Variants in SLC4A4 observed in about 807,000 individuals in gnomAD.
SLC4A4 encodes electrogenic sodium bicarbonate cotransporter 1.
In SLC4A4, 27 loss-of-function variants were observed where a neutral mutation model predicts 111.5. The ratio of observed to expected loss-of-function variants is 0.24; its 90% confidence interval spans 0.18 to 0.33. The LOEUF (loss-of-function observed/expected upper bound fraction) is 0.33. Among genes scored for constraint, SLC4A4 ranks in the 10% least tolerant of loss-of-function variants. The pLI is 1.00. For synonymous variants in SLC4A4, 443 were observed against 463.4 expected (o/e 0.96, Z 0.57); for missense variants, 909 against 1,315.5 (o/e 0.69, Z 4.78).
rs776662294 is a variant in SLC4A4, at chr4:71,169,094, C to G, written c.-1-67482C>G. On this transcript the variant is annotated intron_variant, in intron 2 of 26. Coordinates refer to the SLC4A4 transcript ENST00000649996. ...AGTGCAATGGCACAATCTTGACTCA[C>G]TGCAACCTCCGCCTCCCAGATTCTC... is the stretch of plus-strand genomic sequence containing the variant. Among the ~76,000 whole-genome samples, 11 of 152,064 alleles carry G rather than the reference C, an allele frequency of 7.2e-5. No homozygotes were observed. In the South Asian group the frequency reaches 1.7e-3, roughly 23 times the overall value.
intron 7 of SLC4A4, among the ~76,000 whole-genome samples, chr4:71,416,504 A>C (rs1244296630): frequency 6.6e-6 from 1 of 152,124 alleles, no homozygotes; most frequent in Non-Finnish European, 1.5e-5. Flanking sequence ...GCTTGACCAT[A>C]AGTAACTGAA....
At chr4:71,558,646 C>G (rs1001893336) in intron 22 of SLC4A4, among the ~76,000 whole-genome samples, 1 of 151,908 alleles carries the variant, frequency 6.6e-6, no homozygotes, top group African/African-American at 2.4e-5. Context: ...TTTATCTCCC[C>G]CACAGCTTTG....
chr4:71,127,355 G>A (rs1743587258), intron 2 of SLC4A4, among the ~76,000 whole-genome samples: 1 of 152,146 alleles, frequency 6.6e-6, no homozygotes, highest in African/African-American at 2.4e-5. Flanking sequence ...CTATAATAAT[G>A]TTTAGAGGCA....
intron 1 of SLC4A4, among the ~76,000 whole-genome samples, chr4:71,232,908 G>A (rs1176901266): frequency 6.6e-6 from 1 of 152,220 alleles, no homozygotes; most frequent in Non-Finnish European, 1.5e-5. Context: ...AGTTCTGATA[G>A]GACTGGAAAG....
intron 3 of SLC4A4, among the ~76,000 whole-genome samples, chr4:71,262,414 A>G (rs1280287589): frequency 6.6e-6 from 1 of 152,178 alleles, no homozygotes; most frequent in African/African-American, 2.4e-5. Flanking sequence ...TAACTTTCCC[A>G]TGGATAGGAG....
rs566617793 is a variant in SLC4A4 at position 71,227,389 on chromosome 4, G to A, written c.-1-9187G>A. ...TTTAAAAGGAGAGATACCAAAGTGT[G>A]TTTTATAAATGGATGGCTTAGAGGG... On this transcript the variant is annotated intron_variant, in intron 1 of 25. Coordinates refer to ENST00000264485, the MANE Select transcript of SLC4A4 (RefSeq NM_001098484.3). 2.2e-4 allele frequency among the ~76,000 whole-genome samples: 33 copies of A among 152,296 alleles called. 1 individual carries two copies. Among genetic ancestry groups the A allele is most frequent in the African/African-American group, 6.3e-4 (26 of 41,560 alleles).
At chr4:71,487,189 C>G (rs982953256) in intron 15 of SLC4A4, among the ~76,000 whole-genome samples, 171 bp downstream of exon 15, 1 of 150,722 alleles carries the variant, frequency 6.6e-6, no homozygotes, top group African/African-American at 2.4e-5. Flanking sequence ...CTTTCCTTTG[C>G]TCTAGTCAGC....
intron 1 of SLC4A4, among the ~76,000 whole-genome samples, chr4:71,226,114 C>T (rs1444871507): frequency 2.0e-5 from 3 of 152,160 alleles, no homozygotes; most frequent in Non-Finnish European, 4.4e-5. Context: ...TTTCTTATAA[C>T]TTTCCTGCTG....
intron 1 of SLC4A4, among the ~76,000 whole-genome samples, chr4:71,083,053 A>C (rs578219622): frequency 6.6e-6 from 1 of 152,084 alleles, no homozygotes; most frequent in Non-Finnish European, 1.5e-5. Context: ...GGGCTTCACC[A>C]TGTTGGCCAG....
chr4:71,187,988 G>C (rs1451208122), intron 1 of SLC4A4, among the ~76,000 whole-genome samples: 2 of 152,246 alleles, frequency 1.3e-5, no homozygotes, highest in Non-Finnish European at 2.9e-5. Flanking sequence ...ATTTGCAATG[G>C]ATTTGGCTAG....
At chr4:71,343,605 T>C (rs186684134) in intron 4 of SLC4A4, among the ~76,000 whole-genome samples, 1 of 152,344 alleles carries the variant, frequency 6.6e-6, no homozygotes, top group East Asian at 1.9e-4. Context: ...ATCTGACCAA[T>C]TGGTAAATTC....
In SLC4A4 at chr4:71,261,578, G is replaced by T. The variant is rs1260344069; in HGVS notation, c.253+6179G>T. On this transcript the variant is annotated intron_variant, in intron 3 of 25. Coordinates refer to ENST00000264485, the MANE Select transcript of SLC4A4 (RefSeq NM_001098484.3). ...AAATAATTGTTGTTTATTCCTCTGT[G>T]ATGCTGATGAATACAAGAGGACTGT... Among the ~76,000 whole-genome samples the T allele has an allele frequency of 2.6e-5, 4 of 152,174 alleles. No individual in the cohort carries two copies. In the East Asian group the frequency reaches 5.8e-4, roughly 22 times the overall value.
chr4:71,287,576 G>A (rs1302280988), intron 3 of SLC4A4, among the ~76,000 whole-genome samples: 1 of 152,180 alleles, frequency 6.6e-6, no homozygotes. Context: ...TCAATGTACA[G>A]TATGGCCTTT....
At chr4:71,246,149 G>A (rs146758804) in intron 2 of SLC4A4, among the ~76,000 whole-genome samples, 160 of 152,238 alleles carry the variant, frequency 1.1e-3, no homozygotes, top group Middle Eastern at 0.01. Flanking sequence ...TTCCCTCTAT[G>A]TGCTCCACTT....
chr4:71,287,824 A>G (rs1379459043), intron 3 of SLC4A4, among the ~76,000 whole-genome samples: 2 of 152,248 alleles, frequency 1.3e-5, no homozygotes, highest in African/African-American at 2.4e-5. Flanking sequence ...TCTGGACTAG[A>G]AGTCAAAACA....
rs150064260 is a variant in SLC4A4, at chr4:71,465,350, A to T, written c.1498-1094A>T. On this transcript the variant is annotated intron_variant, in intron 12 of 25. Transcript: ENST00000264485. ...TTTAAAAGTTTTAATGTTCAGATTT[A>T]TAGCTTCATGTATGAATAAAGGGTT... Among the ~76,000 whole-genome samples, 1,495 of 151,952 alleles carry T rather than the reference A, an allele frequency of 9.8e-3. 29 individuals carry two copies. The highest frequency in any genetic ancestry group is 0.034 in the African/African-American group (1,430 of 41,478).
chr4:71,113,130 G>T (rs1290184595), intron 2 of SLC4A4, among the ~76,000 whole-genome samples: 1 of 152,188 alleles, frequency 6.6e-6, no homozygotes, highest in Admixed American at 6.5e-5. Flanking sequence ...TGAAGAAACT[G>T]AGTGGAGGAG....
At chr4:71,236,237 T>TA in intron 1 of SLC4A4, 3 of 1,005,522 alleles carry the variant, frequency 3.0e-6, no homozygotes, top group South Asian at 6.3e-5. Context: ...TCTTGGTATT[T>TA]TTTTTTTTTT....
At chr4:71,122,112 T>C (rs969963587) in intron 2 of SLC4A4, among the ~76,000 whole-genome samples, 2 of 151,786 alleles carry the variant, frequency 1.3e-5, no homozygotes, top group African/African-American at 2.4e-5. Context: ...CACACCATCT[T>C]TAAGAACTGT....
Sources: gnomAD v4.1 joint callset for allele counts (sites outside exome capture counted in the v4.1 genomes callset) on GRCh38, gnomAD v4.1.1 for gene constraint, MANE v1.5 for transcripts, NCBI Gene and HGNC (gene_info 2026-07-23, HGNC 2026-07-21) for gene names.